Variants in GLCE observed in about 807,000 individuals in gnomAD.
GLCE encodes glucuronic acid epimerase.
Under a neutral mutation model 47.9 loss-of-function variants are expected in GLCE, and 19 were observed. That is an observed-to-expected ratio of 0.40 (90% CI 0.28 to 0.58). The LOEUF is 0.58. Among genes scored for constraint, GLCE ranks in the 20% least tolerant of loss-of-function variants. The probability of loss-of-function intolerance (pLI) is 0.48; values close to 1 mark genes in which losing one functional copy is unlikely to be tolerated. For synonymous variants in GLCE, 245 were observed against 263.4 expected, an observed-to-expected ratio of 0.93 and a Z score of 0.68; for missense variants, 556 against 743.3, an observed-to-expected ratio of 0.75 and a Z score of 2.93.
chr15:69,178,824 A>G (rs2051709939), intron 1 of GLCE, among the ~76,000 whole-genome samples: 1 of 152,148 alleles, frequency 6.6e-6, no homozygotes, highest in African/African-American at 2.4e-5. Flanking sequence ...TGCTCTTTAT[A>G]GTATTAATTA....
At chr15:69,248,246 T>C (rs1242716503) in intron 2 of GLCE, among the ~76,000 whole-genome samples, 2 of 152,234 alleles carry the variant, frequency 1.3e-5, no homozygotes, top group Non-Finnish European at 2.9e-5. Context: ...GTTACATCTA[T>C]CACTGGATAT....
At position 69,231,929 on chromosome 15, in the gene GLCE, AT is replaced by A. The variant is rs557434903; in HGVS notation, c.-14+21525del. ...TGCCTGAGCCTCCCAAGCAGCTGGG[AT>A]TACAGGTACACACCACCACGCCTGG... On this transcript the variant is annotated intron_variant, in intron 2 of 4. Transcript: ENST00000261858. 3.1e-3 allele frequency among the ~76,000 whole-genome samples: 473 copies of A among 152,156 alleles called. 1 individual carries two copies. The highest frequency in any genetic ancestry group is 3.9e-3 in the Non-Finnish European group (265 of 68,002).
chr15:69,188,424 G>T (rs2051862102), intron 1 of GLCE, among the ~76,000 whole-genome samples: 1 of 152,134 alleles, frequency 6.6e-6, no homozygotes, highest in South Asian at 2.1e-4. Flanking sequence ...TGCCCTTTTA[G>T]AATGACTTGA....
intron 2 of GLCE, among the ~76,000 whole-genome samples, chr15:69,250,705 C>T (rs1300508528): frequency 6.6e-5 from 10 of 151,178 alleles, no homozygotes; most frequent in Non-Finnish European, 1.2e-4. Context: ...TGTGGACACC[C>T]GATCGGCATA....
At chr15:69,240,567 T>C (rs1321029286) in intron 2 of GLCE, among the ~76,000 whole-genome samples, 2 of 152,028 alleles carry the variant, frequency 1.3e-5, no homozygotes, top group Non-Finnish European at 2.9e-5. Context: ...CGGGGAGGCA[T>C]ACATTAAAAG....
In GLCE at chr15:69,160,692, C is replaced by G. The variant is rs539925846; in HGVS notation, c.-170C>G. The G allele has an allele frequency of 6.5e-6, 1 of 153,092 alleles. No homozygotes were observed. The highest frequency in any genetic ancestry group is 6.5e-5 in the Admixed American group (1 of 15,312). The allele number at this position is 153,092 out of a possible 1,614,324, so 9.5% of individuals were successfully genotyped here. A position where few individuals can be genotyped will look rare whatever the true frequency, so the allele number is the denominator to read the frequency against. On this transcript the variant is annotated 5_prime_UTR_variant, in exon 1 of 5. Coordinates refer to ENST00000261858, the MANE Select transcript of GLCE (RefSeq NM_015554.3). The surrounding 1 kb of genome is among the most constrained non-coding windows in gnomAD (Gnocchi z 4.2). Reference sequence around the variant, plus strand: ...TGCGGCACCGCAGGCCTGAGCCACCCCTTCTCTGCTGTCTCCTTCTCTTCC... The same window carrying G: ...TGCGGCACCGCAGGCCTGAGCCACCGCTTCTCTGCTGTCTCCTTCTCTTCC...
At chr15:69,169,153 G>GT (rs1323602588) in intron 1 of GLCE, among the ~76,000 whole-genome samples, 1 of 152,140 alleles carries the variant, frequency 6.6e-6, no homozygotes, top group Non-Finnish European at 1.5e-5. Context: ...TGAAATCCAT[G>GT]TTTTTTGAGT....
intron 1 of GLCE, among the ~76,000 whole-genome samples, chr15:69,170,194 A>T (rs1200358470): frequency 6.6e-6 from 1 of 152,302 alleles, no homozygotes; most frequent in East Asian, 1.9e-4. Context: ...AAAATATCTT[A>T]CTTAATTTGT....
chr15:69,235,093 C>CTTTTTTTTT lies in GLCE; in HGVS notation c.-13-20677_-13-20669dup, dbSNP rs869212730. ...CTGATACAGATAGATGAAGATTATT[C>CTTTTTTTTT]TTTTTTTTTTTTTTTTTTTTTTTTT... On this transcript the variant is annotated intron_variant, in intron 2 of 4. Coordinates refer to ENST00000261858, the MANE Select transcript of GLCE (RefSeq NM_015554.3). 2.9e-4 allele frequency among the ~76,000 whole-genome samples: 18 copies of CTTTTTTTTT among 62,884 alleles called. 1 individual carries two copies. Among genetic ancestry groups the CTTTTTTTTT allele is most frequent in the African/African-American group, 6.7e-4 (9 of 13,350 alleles). The allele number at this position is 62,884 out of a possible 152,430, so 41.3% of individuals were successfully genotyped here. A position where few individuals can be genotyped will look rare whatever the true frequency, so the allele number is the denominator to read the frequency against.
Position 69,255,875 on chromosome 15 carries a change from C to T in GLCE, c.69C>T (p.Val23=). The T allele has an allele frequency of 6.2e-7, 1 of 1,613,966 alleles. No homozygotes were observed. The highest frequency in any genetic ancestry group is 8.5e-7 in the Non-Finnish European group (1 of 1,179,962). The change falls in exon 3 of 5, where the codon GTC becomes GTT. Residue 23 remains valine (V), a synonymous_variant. Coordinates refer to ENST00000261858, the MANE Select transcript of GLCE (RefSeq NM_015554.3). ...LIIICALFTL[V]TVLLWNKCSS... Reference sequence around the variant, plus strand: ...TTATCTGCGCACTCTTCACTTTGGTCACAGTACTTTTGTGGAATAAGTGTT... The same window carrying T: ...TTATCTGCGCACTCTTCACTTTGGTTACAGTACTTTTGTGGAATAAGTGTT...
At chr15:69,219,905 C>G (rs1446776917) in intron 2 of GLCE, among the ~76,000 whole-genome samples, 1 of 152,062 alleles carries the variant, frequency 6.6e-6, no homozygotes, top group Non-Finnish European at 1.5e-5. Flanking sequence ...CACTCCCTGG[C>G]AACCACCAGT....
intron 1 of GLCE, among the ~76,000 whole-genome samples, chr15:69,182,397 G>C (rs940101920): frequency 6.6e-6 from 1 of 151,524 alleles, no homozygotes; most frequent in Non-Finnish European, 1.5e-5. Flanking sequence ...GAGAGAGAGA[G>C]AGAGAGAGAG....
chr15:69,255,717 AAAAG>A lies in GLCE; in HGVS notation c.-13-76_-13-73del. ...ACAGTTGTTCAACATTAAAAAAAAAAAAAGCAAAGAAAACTTTATCCTATGAAAT... is the reference window on the plus strand; with the variant it reads ...ACAGTTGTTCAACATTAAAAAAAAAACAAAGAAAACTTTATCCTATGAAAT... On this transcript the variant is annotated intron_variant, in intron 2 of 4. Coordinates refer to ENST00000261858, the MANE Select transcript of GLCE (RefSeq NM_015554.3). 6 of 873,932 alleles carry A rather than the reference AAAAG, an allele frequency of 6.9e-6. No homozygotes were observed. In the Admixed American group the frequency reaches 1.3e-4, roughly 19 times the overall value. 54.1% of individuals were successfully genotyped at this position (873,932 alleles called of 1,614,324 possible). A position where few individuals can be genotyped will look rare whatever the true frequency, so the allele number is the denominator to read the frequency against.
chr15:69,239,840 T>G (rs545358091), intron 2 of GLCE, among the ~76,000 whole-genome samples: 18 of 152,152 alleles, frequency 1.2e-4, no homozygotes, highest in Non-Finnish European at 2.6e-4. Context: ...ACTGTATATC[T>G]CAGGGTAACC....
intron 2 of GLCE, among the ~76,000 whole-genome samples, chr15:69,214,940 C>CT (rs1166400238): frequency 6.6e-6 from 1 of 152,112 alleles, no homozygotes; most frequent in Non-Finnish European, 1.5e-5. Flanking sequence ...AGCCAGAATG[C>CT]TTTTTTCCAA....
chr15:69,168,536 CTTTT>C (rs11288270), intron 1 of GLCE, among the ~76,000 whole-genome samples: 1 of 142,284 alleles, frequency 7.0e-6, no homozygotes, highest in Non-Finnish European at 1.5e-5. Flanking sequence ...CCATCTATTC[CTTTT>C]TTTTTTTTTT....
At chr15:69,198,663 C>T (rs1195180342) in intron 1 of GLCE, among the ~76,000 whole-genome samples, 1 of 152,144 alleles carries the variant, frequency 6.6e-6, no homozygotes, top group African/African-American at 2.4e-5. Context: ...GCAAGAAGCA[C>T]ATCACAATTT....
At chr15:69,182,024 A>C (rs558187681) in intron 1 of GLCE, among the ~76,000 whole-genome samples, 1 of 152,088 alleles carries the variant, frequency 6.6e-6, no homozygotes, top group South Asian at 2.1e-4. Flanking sequence ...GAGTTTGTAG[A>C]AGTTCTTTTA....
In GLCE at chr15:69,225,408, TATATC is replaced by T. The variant is rs2140395732; in HGVS notation, c.-14+15006_-14+15010del. On this transcript the variant is annotated intron_variant, in intron 2 of 4. Coordinates refer to ENST00000261858, the MANE Select transcript of GLCE (RefSeq NM_015554.3). ...TTCAGCATTCAATTAAATATGGTCTTATATCATAGTCTAAATAATTTGTTAATAAT... is the reference window on the plus strand; with the variant it reads ...TTCAGCATTCAATTAAATATGGTCTTATAGTCTAAATAATTTGTTAATAAT... Among the ~76,000 whole-genome samples, 2 of 152,324 alleles carry T rather than the reference TATATC, an allele frequency of 1.3e-5. 1 individual carries two copies. Among genetic ancestry groups the T allele is most frequent in the East Asian group, 3.9e-4 (2 of 5,192 alleles).
Sources: gnomAD v4.1 joint callset for allele counts (sites outside exome capture counted in the v4.1 genomes callset) on GRCh38, gnomAD v4.1.1 for gene constraint, Gnocchi (gnomAD v3.1) non-coding constraint, MANE v1.5 for transcripts, NCBI Gene and HGNC (gene_info 2026-07-23, HGNC 2026-07-21) for gene names.